DAAM1: variants seen among roughly 807,000 people sequenced by gnomAD.
DAAM1 encodes disheveled-associated activator of morphogenesis 1.
DAAM1 carries 52 observed loss-of-function variants against 130.0 expected under a neutral mutation model. The ratio of observed to expected loss-of-function variants is 0.40; its 90% CI spans 0.32 to 0.50. The LOEUF (loss-of-function observed/expected upper bound fraction) is 0.50, where lower values mean the gene tolerates loss of function less well. Ranked by LOEUF, DAAM1 falls within the 20% of genes least tolerant of loss-of-function variation. The probability of loss-of-function intolerance (pLI) is 0.61; values close to 1 mark genes in which losing one functional copy is unlikely to be tolerated. For missense variants in DAAM1, 1,134 were observed against 1,303.8 expected (o/e 0.87, Z 2.01); for synonymous variants, 452 against 444.5 (o/e 1.02, Z -0.21).
intron 2 of DAAM1, among the ~76,000 whole-genome samples, chr14:59,276,396 T>C (rs949953288): frequency 6.6e-6 from 1 of 152,224 alleles, no homozygotes; most frequent in Middle Eastern, 3.2e-3. Context: ...AGGTCACAGC[T>C]TCTTCCCCTT....
At chr14:59,352,183 C>T (rs564948827) in intron 17 of DAAM1, among the ~76,000 whole-genome samples, 1 of 152,258 alleles carries the variant, frequency 6.6e-6, no homozygotes, top group African/African-American at 2.4e-5. Flanking sequence ...GCTTACTCTC[C>T]CTGGACCTCA....
At chr14:59,279,030 C>G (rs1883096987) in intron 2 of DAAM1, among the ~76,000 whole-genome samples, 1 of 152,086 alleles carries the variant, frequency 6.6e-6, no homozygotes. Context: ...TCCTGGGGCT[C>G]CAACAAGCAG....
At chr14:59,345,636 AC>A (rs1277992720) in intron 16 of DAAM1, among the ~76,000 whole-genome samples, 1 of 152,116 alleles carries the variant, frequency 6.6e-6, no homozygotes, top group Non-Finnish European at 1.5e-5. Flanking sequence ...ATCCAGCTTC[AC>A]CTGGGGCTTC....
At chr14:59,245,742 G>A (rs189795285) in intron 1 of DAAM1, among the ~76,000 whole-genome samples, 163 of 152,124 alleles carry the variant, frequency 1.1e-3, no homozygotes, top group African/African-American at 3.7e-3. Context: ...TTCCCCCATC[G>A]CCCCATTGTA....
At chr14:59,253,307 A>G (rs980489392) in intron 1 of DAAM1, among the ~76,000 whole-genome samples, 3 of 152,204 alleles carry the variant, frequency 2.0e-5, no homozygotes, top group East Asian at 1.9e-4. Context: ...TATTGTGTCT[A>G]TCAGTTTTTC....
chr14:59,255,898 G>A (rs1881860422), intron 1 of DAAM1, among the ~76,000 whole-genome samples: 1 of 152,196 alleles, frequency 6.6e-6, no homozygotes, highest in African/African-American at 2.4e-5. Context: ...ACTGCACTTT[G>A]CAAGTGGATG....
chr14:59,251,247 T>C (rs1472642579), intron 1 of DAAM1, among the ~76,000 whole-genome samples: 1 of 152,204 alleles, frequency 6.6e-6, no homozygotes, highest in Non-Finnish European at 1.5e-5. Flanking sequence ...TATCTGCAGG[T>C]CAAATTCTTA....
intron 3 of DAAM1, among the ~76,000 whole-genome samples, chr14:59,307,328 A>G (rs919278400): frequency 2.0e-5 from 3 of 152,210 alleles, no homozygotes; most frequent in Non-Finnish European, 4.4e-5. Context: ...AACTCTTTCA[A>G]ACATCATGAT....
intron 1 of DAAM1, among the ~76,000 whole-genome samples, chr14:59,195,329 G>A (rs1887855360): frequency 6.6e-6 from 1 of 151,980 alleles, no homozygotes. Flanking sequence ...ATTTTTAGTA[G>A]AGATGGGGTT....
chr14:59,365,675 C>A (rs754708305), intron 23 of DAAM1, among the ~76,000 whole-genome samples: 5 of 151,758 alleles, frequency 3.3e-5, no homozygotes, highest in Non-Finnish European at 7.4e-5. Context: ...AAGAATCTAA[C>A]AATATAACAA....
chr14:59,202,911 C>T (rs1057503510), intron 1 of DAAM1, among the ~76,000 whole-genome samples: 3 of 152,102 alleles, frequency 2.0e-5, no homozygotes, highest in African/African-American at 7.2e-5. Flanking sequence ...CTTGAATGCC[C>T]AAGCCTTTCT....
At chr14:59,227,250 T>C (rs954459333) in intron 1 of DAAM1, among the ~76,000 whole-genome samples, 1 of 152,190 alleles carries the variant, frequency 6.6e-6, no homozygotes, top group Non-Finnish European at 1.5e-5. Context: ...ACAAGGATGG[T>C]GTGAACAAGG....
intron 20 of DAAM1, among the ~76,000 whole-genome samples, chr14:59,358,490 A>G (rs1886572277): frequency 6.6e-6 from 1 of 152,228 alleles, no homozygotes; most frequent in Admixed American, 6.5e-5. Context: ...TTCCAGGTTC[A>G]GCCCAGAGAA....
chr14:59,356,218 T>TTC (rs943968915), intron 20 of DAAM1, among the ~76,000 whole-genome samples: 3 of 152,222 alleles, frequency 2.0e-5, no homozygotes, highest in African/African-American at 4.8e-5. Context: ...CCCTAATTAT[T>TTC]TCTAACTAAT....
chr14:59,300,980 G>A (rs1435795945), intron 3 of DAAM1, among the ~76,000 whole-genome samples: 6 of 152,090 alleles, frequency 3.9e-5, no homozygotes, highest in African/African-American at 1.4e-4. Context: ...TGTAGTTATT[G>A]AGTTGTTTGA....
At chr14:59,315,244 T>G (rs540408972) in intron 3 of DAAM1, 36 bp from the exon 4 acceptor site, 1 of 1,596,234 alleles carries the variant, frequency 6.3e-7, no homozygotes, top group South Asian at 1.1e-5. Context: ...TGTGTATATG[T>G]TGGGTGGTAT....
At chr14:59,221,632 T>C (rs950527838) in intron 1 of DAAM1, among the ~76,000 whole-genome samples, 1 of 152,220 alleles carries the variant, frequency 6.6e-6, no homozygotes, top group African/African-American at 2.4e-5. Context: ...AAACGATCTC[T>C]TGTATTCCAG....
chr14:59,263,557 C>A lies in DAAM1; in HGVS notation c.80C>A (p.Thr27Lys), dbSNP rs564042647. The A allele has an allele frequency of 6.2e-7, 1 of 1,614,054 alleles. No homozygotes were observed. Among genetic ancestry groups the A allele is most frequent in the East Asian group, 2.2e-5 (1 of 44,902 alleles). ...CFRNNDHPEITYRLRNDSNFA... is the reference protein window; with the variant it reads ...CFRNNDHPEIKYRLRNDSNFA... ...CGAAATAATGATCACCCAGAAATCA[C>A]GTATCGGCTGCGAAATGATAGCAAC... The change falls in exon 2 of 25, where the codon ACG becomes AAG. Residue 27 changes from threonine (T) to lysine (K), a missense_variant. Coordinates refer to ENST00000360909, the MANE Select transcript of DAAM1 (RefSeq NM_001270520.2).
chr14:59,273,680 A>T (rs1029826255), intron 2 of DAAM1, among the ~76,000 whole-genome samples: 5 of 152,238 alleles, frequency 3.3e-5, no homozygotes, highest in Admixed American at 2.0e-4. Context: ...ATGTGTCCTC[A>T]TATAAGCCAA....
Sources: gnomAD v4.1 joint callset for allele counts (sites outside exome capture counted in the v4.1 genomes callset) on GRCh38, gnomAD v4.1.1 for gene constraint, MANE v1.5 for transcripts, NCBI Gene and HGNC (gene_info 2026-07-23, HGNC 2026-07-21) for gene names.